TRIM9: variants seen among roughly 807,000 people sequenced by gnomAD.
The protein encoded by TRIM9 is tripartite motif containing 9.
In TRIM9, 26 loss-of-function variants were observed where a neutral mutation model predicts 78.3. That is an observed-to-expected ratio of 0.33 (90% CI 0.24 to 0.46). TRIM9 has a LOEUF of 0.46. Ranked by LOEUF, TRIM9 falls within the 20% of genes least tolerant of loss-of-function variation. TRIM9 has a pLI of 1.00. For missense variants in TRIM9, 787 were observed against 1,036.4 expected, an observed-to-expected ratio of 0.76 and a Z score of 3.30; for synonymous variants, 398 against 416.5, an observed-to-expected ratio of 0.96 and a Z score of 0.54.
At chr14:51,053,408 A>G (rs1052902203) in intron 1 of TRIM9, among the ~76,000 whole-genome samples, 11 of 151,708 alleles carry the variant, frequency 7.3e-5, no homozygotes, top group Non-Finnish European at 1.6e-4. Context: ...TCAAATGCAG[A>G]AAAGTTCATT....
intron 3 of TRIM9, among the ~76,000 whole-genome samples, chr14:51,012,900 T>C (rs2056743550): frequency 2.0e-5 from 3 of 152,204 alleles, no homozygotes. Flanking sequence ...TTGGGTGTTT[T>C]TGTTGTTGAG....
chr14:51,002,288 ATT>A (rs71121618), intron 5 of TRIM9, among the ~76,000 whole-genome samples: 8 of 147,386 alleles, frequency 5.4e-5, no homozygotes, highest in South Asian at 2.2e-4. Flanking sequence ...CGGCTGGCTG[ATT>A]TTTTTTTTTT....
At chr14:51,082,142 C>T (rs2063355848) in intron 1 of TRIM9, among the ~76,000 whole-genome samples, 1 of 152,154 alleles carries the variant, frequency 6.6e-6, no homozygotes, top group Non-Finnish European at 1.5e-5. Flanking sequence ...ACCTGGGGGC[C>T]CACCCTGAGT....
intron 1 of TRIM9, among the ~76,000 whole-genome samples, chr14:51,058,923 T>C (rs558511650): frequency 3.7e-4 from 57 of 152,316 alleles, no homozygotes; most frequent in African/African-American, 1.4e-3. Flanking sequence ...TCTCATGTAA[T>C]GTTTTGCATT....
intron 1 of TRIM9, among the ~76,000 whole-genome samples, chr14:51,027,855 G>A (rs939420363): frequency 1.3e-5 from 2 of 150,570 alleles, no homozygotes; most frequent in Non-Finnish European, 3.0e-5. Context: ...TTTCCTGAAT[G>A]AGTAAAAGTT....
Position 50,987,287 on chromosome 14 carries a change from G to T in TRIM9, c.1604-1143C>A, listed in dbSNP as rs767828227. On this transcript the variant is annotated intron_variant, in intron 7 of 12. Transcript: ENST00000684578. ...ATACACTTCTATCAAAATGTTACTC[G>T]CATGTTGAAGCAAAAATAACTGGAG... 2.0e-5 allele frequency among the ~76,000 whole-genome samples: 3 copies of T among 152,120 alleles called. No homozygotes were observed. In the South Asian group the frequency reaches 6.2e-4, roughly 32 times the overall value.
At chr14:51,036,070 C>T (rs1041821871) in intron 1 of TRIM9, among the ~76,000 whole-genome samples, 1 of 152,170 alleles carries the variant, frequency 6.6e-6, no homozygotes, top group Non-Finnish European at 1.5e-5. Flanking sequence ...ATCAATTTTC[C>T]CCCAAGAAAC....
intron 8 of TRIM9, 68 bp from the exon 9 acceptor site, chr14:50,983,489 G>T: frequency 8.1e-7 from 1 of 1,231,048 alleles, no homozygotes; most frequent in Non-Finnish European, 1.1e-6. Context: ...ACTTGTATAC[G>T]CTTAAAAAGC....
rs78299949 is a variant in TRIM9, at chr14:51,087,868, A to T, written c.822+6250T>A. 1.1e-3 allele frequency among the ~76,000 whole-genome samples: 162 copies of T among 152,320 alleles called. 4 individuals carry two copies. The East Asian group carries it at 0.029, about 27-fold the overall frequency. On this transcript the variant is annotated intron_variant, in intron 1 of 12. Coordinates refer to ENST00000684578, the MANE Select transcript of TRIM9 (RefSeq NM_001387360.1). ...AATGAAAAACTCAATTAGACCAGTC[A>T]TTTGGTATCATGTATACAAAACCTA... is the stretch of plus-strand genomic sequence containing the variant.
chr14:51,059,797 C>CA (rs58885832), intron 1 of TRIM9, among the ~76,000 whole-genome samples: 56,758 of 121,016 alleles, frequency 0.47, 11,727 homozygotes, highest in South Asian at 0.62. Context: ...GACTCTGTCT[C>CA]AAAAAAAAAA....
intron 3 of TRIM9, among the ~76,000 whole-genome samples, chr14:51,015,468 CT>C (rs1320564416): frequency 2.8e-5 from 3 of 106,160 alleles, no homozygotes; most frequent in Non-Finnish European, 4.2e-5. Flanking sequence ...TTTTCTTTAT[CT>C]TTTTTAAATA....
At chr14:51,058,545 C>A (rs1365871037) in intron 1 of TRIM9, among the ~76,000 whole-genome samples, 1 of 152,134 alleles carries the variant, frequency 6.6e-6, no homozygotes, top group African/African-American at 2.4e-5. Context: ...ATGCATCCTC[C>A]AGGCCATACC....
intron 5 of TRIM9, among the ~76,000 whole-genome samples, chr14:51,004,573 A>G (rs61985022): frequency 1.9e-4 from 29 of 152,326 alleles, no homozygotes; most frequent in South Asian, 6.2e-4. Flanking sequence ...AACACTAATC[A>G]TAAGGGATGC....
chr14:51,052,320 A>G lies in TRIM9; in HGVS notation c.823-26960T>C, dbSNP rs73288897. On this transcript the variant is annotated intron_variant, in intron 1 of 12. Coordinates refer to ENST00000684578, the MANE Select transcript of TRIM9 (RefSeq NM_001387360.1). ...CGCCTTAAAAATAACAAAAGAGTCA[A>G]GGTCGGCGAATATAATAAGAAATTA... Among the ~76,000 whole-genome samples the G allele has an allele frequency of 3.4e-3, 523 of 152,338 alleles. 2 individuals carry two copies. The highest frequency in any genetic ancestry group is 0.011 in the African/African-American group (460 of 41,578).
At chr14:51,033,002 C>T (rs1372324320) in intron 1 of TRIM9, among the ~76,000 whole-genome samples, 1 of 152,122 alleles carries the variant, frequency 6.6e-6, no homozygotes, top group Non-Finnish European at 1.5e-5. Context: ...GGTAAATATA[C>T]CAGAATCTGC....
chr14:51,002,464 AT>A (rs1402454785), intron 5 of TRIM9, among the ~76,000 whole-genome samples: 1 of 151,822 alleles, frequency 6.6e-6, no homozygotes, highest in Non-Finnish European at 1.5e-5. Flanking sequence ...CTGCTTAAAA[AT>A]TTTTTTTCAG....
intron 1 of TRIM9, among the ~76,000 whole-genome samples, chr14:51,031,147 C>CAAAAA (rs1210514761): frequency 6.0e-5 from 6 of 100,644 alleles, no homozygotes; most frequent in Non-Finnish European, 9.4e-5. Context: ...AAACTCTTTC[C>CAAAAA]AAAAAAAAAA....
intron 3 of TRIM9, among the ~76,000 whole-genome samples, chr14:51,016,095 T>C (rs1728435752): frequency 6.6e-6 from 1 of 152,192 alleles, no homozygotes; most frequent in Non-Finnish European, 1.5e-5. Flanking sequence ...AAGTCCCTGA[T>C]ATAAAATGGC....
At chr14:51,025,032 G>T (rs891676688) in intron 2 of TRIM9, among the ~76,000 whole-genome samples, 1 of 152,198 alleles carries the variant, frequency 6.6e-6, no homozygotes. Flanking sequence ...GTGGAAGACA[G>T]GAACCAGTTG....
Sources: gnomAD v4.1 joint callset for allele counts (sites outside exome capture counted in the v4.1 genomes callset) on GRCh38, gnomAD v4.1.1 for gene constraint, MANE v1.5 for transcripts, NCBI Gene and HGNC (gene_info 2026-07-23, HGNC 2026-07-21) for gene names.